Variants in PCDHA4 observed in about 807,000 individuals in gnomAD.
PCDHA4 encodes the protein protocadherin alpha 4.
In PCDHA4, 49 loss-of-function variants were observed where a neutral mutation model predicts 61.4. That is an observed-to-expected ratio of 0.80 (90% CI 0.63 to 1.01). PCDHA4 has a LOEUF of 1.01. Ranked by LOEUF, PCDHA4 falls within the 50% of genes least tolerant of loss-of-function variation. PCDHA4 has a pLI of 0.00. For synonymous variants in PCDHA4, 590 were observed against 550.3 expected, an observed-to-expected ratio of 1.07 and a Z score of -1.01; for missense variants, 1,254 against 1,235.8, an observed-to-expected ratio of 1.01 and a Z score of -0.22.
chr5:140,950,865 T>C (rs1419138561), intron 1 of PCDHA4, among the ~76,000 whole-genome samples: 1 of 152,098 alleles, frequency 6.6e-6, no homozygotes, highest in Non-Finnish European at 1.5e-5. Context: ...TTCTTGTATA[T>C]TCTATATTGT....
At chr5:140,839,764 G>A (rs893515240) in intron 1 of PCDHA4, among the ~76,000 whole-genome samples, 1 of 151,822 alleles carries the variant, frequency 6.6e-6, no homozygotes, top group South Asian at 2.1e-4. Flanking sequence ...TTTAACCTAC[G>A]TTTTTGGTAA....
chr5:140,812,159 G>T (rs1765050158), intron 1 of PCDHA4: 1 of 151,474 alleles, frequency 6.6e-6, no homozygotes, highest in South Asian at 2.1e-4. Flanking sequence ...TGTTGTTGTT[G>T]TTGTTAGGAG....
chr5:140,857,986 A>G (rs782102316), intron 1 of PCDHA4: 4 of 1,596,686 alleles, frequency 2.5e-6, no homozygotes, highest in East Asian at 2.2e-5. Flanking sequence ...GCCAGCGCCT[A>G]CTGGTGCTGG....
chr5:140,914,590 T>C (rs886666163), intron 1 of PCDHA4, among the ~76,000 whole-genome samples: 1 of 152,208 alleles, frequency 6.6e-6, no homozygotes, highest in African/African-American at 2.4e-5. Flanking sequence ...TTCATTTAAG[T>C]AGGAACTTCC....
At chr5:140,915,258 A>T (rs2077046977) in intron 1 of PCDHA4, among the ~76,000 whole-genome samples, 1 of 151,928 alleles carries the variant, frequency 6.6e-6, no homozygotes, top group South Asian at 2.1e-4. Context: ...GGTTGTTATT[A>T]TTTTTGACCA....
intron 1 of PCDHA4, among the ~76,000 whole-genome samples, chr5:140,894,013 T>G (rs1161643824): frequency 1.3e-5 from 2 of 152,232 alleles, no homozygotes; most frequent in African/African-American, 4.8e-5. Flanking sequence ...TGGTTCAAAT[T>G]ACCAGTTCTG....
chr5:140,941,619 C>T (rs1300512502), intron 1 of PCDHA4, among the ~76,000 whole-genome samples: 1 of 151,848 alleles, frequency 6.6e-6, no homozygotes, highest in African/African-American at 2.4e-5. Flanking sequence ...CCAGCCCATC[C>T]TGCTTCTTAA....
chr5:140,931,304 G>C (rs1218460625), intron 1 of PCDHA4, among the ~76,000 whole-genome samples: 1 of 152,056 alleles, frequency 6.6e-6, no homozygotes, highest in African/African-American at 2.4e-5. Context: ...CAAAAAGAGA[G>C]GAGAATACCA....
In PCDHA4 at chr5:140,807,670, T is replaced by C. The variant is rs557317357; in HGVS notation, c.483T>C (p.Asp161=). Reference sequence around the variant, plus strand: ...CACTAGAGGGCGCCTCGGATGCAGATATCGGGGAGAACGCCCTGCTCACTT... The same window carrying C: ...CACTAGAGGGCGCCTCGGATGCAGACATCGGGGAGAACGCCCTGCTCACTT... ...RFPLEGASDA[D]IGENALLTYR... is the part of the protein sequence containing the mutation. Residue 161 remains aspartate, a synonymous_variant, in exon 1 of 4, where the codon GAT becomes GAC. Transcript: ENST00000530339. 6.2e-7 allele frequency: 1 copy of C among 1,614,204 alleles called. No homozygotes were observed. The highest frequency in any genetic ancestry group is 1.7e-5 in the Admixed American group (1 of 60,018).
intron 1 of PCDHA4, chr5:140,928,661 G>A (rs1554206119): frequency 6.2e-7 from 1 of 1,614,218 alleles, no homozygotes; most frequent in Non-Finnish European, 8.5e-7. Flanking sequence ...GATGCTGACA[G>A]TGGTTCTAAT....
In PCDHA4 at chr5:140,809,445, A is replaced by C. The variant is rs782301046; in HGVS notation, c.2258A>C (p.Gln753Pro). Residue 753 changes from glutamine (Q) to proline (P), a missense_variant, in exon 1 of 4, where the codon CAG becomes CCG. Physicochemically the swap from Gln to Pro is moderately conservative, Grantham distance 76. Transcript: ENST00000530339. ...SAVGSWSYSQQRRPRVCSGEG... is the reference protein window; with the variant it reads ...SAVGSWSYSQPRRPRVCSGEG... ...GTGGGGAGCTGGTCATACTCGCAGC[A>C]GAGGAGGCCGAGGGTGTGCTCTGGT... The C allele has an allele frequency of 1.4e-5, 22 of 1,614,116 alleles. No individual in the cohort carries two copies. The Admixed American group carries it at 3.3e-4, about 24-fold the overall frequency.
chr5:140,813,642 T>C (rs1554126262), intron 1 of PCDHA4: 1 of 152,226 alleles, frequency 6.6e-6, no homozygotes, highest in Non-Finnish European at 1.5e-5. Flanking sequence ...GACATTACTG[T>C]GCACTAATGT....
intron 1 of PCDHA4, among the ~76,000 whole-genome samples, chr5:140,837,811 G>A (rs1775265637): frequency 1.3e-5 from 2 of 151,598 alleles, no homozygotes; most frequent in African/African-American, 2.4e-5. Flanking sequence ...GGAGTAGCTG[G>A]GAATACAGTT....
chr5:140,850,089 C>G (rs2150466506), intron 1 of PCDHA4: 1 of 1,596,512 alleles, frequency 6.3e-7, no homozygotes, highest in Non-Finnish European at 8.6e-7. Flanking sequence ...GGAGCTGCTA[C>G]AGTTCCAGGT....
intron 1 of PCDHA4, chr5:140,870,947 G>T: frequency 1.2e-6 from 2 of 1,613,700 alleles, no homozygotes; most frequent in Non-Finnish European, 1.7e-6. Context: ...CCGGCGGCGG[G>T]CGGCTCGCGC....
At chr5:140,830,385 C>A (rs2150185884) in intron 1 of PCDHA4, 12 of 1,614,120 alleles carry the variant, frequency 7.4e-6, no homozygotes, top group Non-Finnish European at 1.0e-5. Context: ...GAGGGCCCAC[C>A]CAAGATGGAT....
chr5:140,820,704 A>T (rs2150107710), intron 1 of PCDHA4, among the ~76,000 whole-genome samples: 1 of 152,108 alleles, frequency 6.6e-6, no homozygotes, highest in African/African-American at 2.4e-5. Context: ...TCTTTTCAAC[A>T]TGATTATATT....
chr5:140,838,334 G>A lies in PCDHA4; in HGVS notation c.2385+28762G>A, dbSNP rs2150288149. Among the ~76,000 whole-genome samples the A allele has an allele frequency of 6.8e-5, 10 of 146,222 alleles. 1 individual carries two copies. The South Asian group carries it at 1.1e-3, about 16-fold the overall frequency. On this transcript the variant is annotated intron_variant, in intron 1 of 3. Coordinates refer to ENST00000530339, the MANE Select transcript of PCDHA4 (RefSeq NM_018907.4). ...AAACAGAGTTTCACCATGTTGCCCCGGCTGGTCTCGAAATCTGGGACTCAA... is the reference window on the plus strand; with the variant it reads ...AAACAGAGTTTCACCATGTTGCCCCAGCTGGTCTCGAAATCTGGGACTCAA...
At chr5:140,843,641 C>G (rs2150364392) in intron 1 of PCDHA4, 1 of 1,595,514 alleles carries the variant, frequency 6.3e-7, no homozygotes, top group Admixed American at 1.7e-5. Context: ...GGCCTTCAGC[C>G]CCTGCCTTCC....
Sources: gnomAD v4.1 joint callset for allele counts (sites outside exome capture counted in the v4.1 genomes callset) on GRCh38, gnomAD v4.1.1 for gene constraint, MANE v1.5 for transcripts, NCBI Gene and HGNC (gene_info 2026-07-23, HGNC 2026-07-21) for gene names.